The following AGBL4 variants were observed in gnomAD, a reference collection of about 807,000 sequenced individuals.
AGBL4 encodes the protein cytosolic carboxypeptidase 6.
Under a neutral mutation model 66.4 loss-of-function variants are expected in AGBL4, and 58 were observed. The ratio of observed to expected loss-of-function variants is 0.87; its 90% CI spans 0.71 to 1.09. The LOEUF (loss-of-function observed/expected upper bound fraction) is 1.09. Among genes scored for constraint, AGBL4 ranks in the 50% least tolerant of loss-of-function variants. AGBL4 has a pLI of 0.00. For synonymous variants in AGBL4, 234 were observed against 222.9 expected, an observed-to-expected ratio of 1.05 and a Z score of -0.44; for missense variants, 579 against 631.0, an observed-to-expected ratio of 0.92 and a Z score of 0.88.
downstream of AGBL4, among the ~76,000 whole-genome samples, chr1:48,528,533 C>A (rs576098373): frequency 6.6e-5 from 10 of 151,998 alleles, no homozygotes; most frequent in African/African-American, 2.4e-4. Context: ...TGGGGCTGAA[C>A]CGAGAGACAG....
chr1:48,717,254 T>A (rs114139159), intron 6 of AGBL4, among the ~76,000 whole-genome samples: 129 of 152,362 alleles, frequency 8.5e-4, no homozygotes, highest in African/African-American at 3.0e-3. Context: ...CCACTCCTGA[T>A]AAGGACTATG....
chr1:49,934,454 C>T (rs1489898018), intron 1 of AGBL4, among the ~76,000 whole-genome samples: 2 of 152,040 alleles, frequency 1.3e-5, no homozygotes, highest in Non-Finnish European at 2.9e-5. Flanking sequence ...CTTTTACAAC[C>T]ACAACTATAT....
intron 3 of AGBL4, among the ~76,000 whole-genome samples, chr1:49,379,410 GT>G (rs1409803649): frequency 1.3e-5 from 2 of 152,082 alleles, no homozygotes; most frequent in African/African-American, 2.4e-5. Flanking sequence ...ATCCATGCCC[GT>G]TTTGGCTACA....
At chr1:49,335,766 TG>T (rs1176552025) in intron 3 of AGBL4, among the ~76,000 whole-genome samples, 1 of 152,096 alleles carries the variant, frequency 6.6e-6, no homozygotes, top group Non-Finnish European at 1.5e-5. Context: ...CCGCCCACCT[TG>T]GCCCCCCAAA....
At chr1:48,864,826 T>A (rs965336479) in intron 6 of AGBL4, among the ~76,000 whole-genome samples, 1 of 152,152 alleles carries the variant, frequency 6.6e-6, no homozygotes, top group Admixed American at 6.5e-5. Context: ...GTTACATTTA[T>A]AATTTTCGTC....
intron 4 of AGBL4, among the ~76,000 whole-genome samples, chr1:49,087,138 G>A (rs1276866355): frequency 6.6e-6 from 1 of 151,984 alleles, no homozygotes; most frequent in Non-Finnish European, 1.5e-5. Flanking sequence ...ACACAGATGA[G>A]AAAGAACTAG....
At chr1:49,159,187 G>T (rs983602854) in intron 4 of AGBL4, among the ~76,000 whole-genome samples, 2 of 151,898 alleles carry the variant, frequency 1.3e-5, no homozygotes, top group African/African-American at 4.8e-5. Flanking sequence ...GTCTGTTTTT[G>T]CACTGGCTGG....
intron 4 of AGBL4, among the ~76,000 whole-genome samples, chr1:49,169,668 T>A (rs537358156): frequency 6.6e-6 from 1 of 152,274 alleles, no homozygotes; most frequent in Non-Finnish European, 1.5e-5. Context: ...GAAGTCTAAA[T>A]CCATGTGTAT....
At chr1:49,785,267 C>T (rs138026684) in intron 2 of AGBL4, among the ~76,000 whole-genome samples, 4 of 151,892 alleles carry the variant, frequency 2.6e-5, no homozygotes, top group African/African-American at 9.6e-5. Flanking sequence ...TATCCCACAG[C>T]AAGGTGACAT....
chr1:49,511,004 A>ATGTAT (rs1165627570), intron 3 of AGBL4, among the ~76,000 whole-genome samples: 1 of 151,758 alleles, frequency 6.6e-6, no homozygotes, highest in Non-Finnish European at 1.5e-5. Flanking sequence ...GTATAGTTTG[A>ATGTAT]AGTCAGGTAG....
At chr1:49,144,899 G>C (rs2148105821) in intron 4 of AGBL4, among the ~76,000 whole-genome samples, 1 of 152,184 alleles carries the variant, frequency 6.6e-6, no homozygotes, top group South Asian at 2.1e-4. Flanking sequence ...AATGGGGTTG[G>C]TGGTGGTGGT....
intron 4 of AGBL4, among the ~76,000 whole-genome samples, chr1:49,066,355 C>T (rs1644492072): frequency 6.6e-6 from 1 of 152,160 alleles, no homozygotes; most frequent in Non-Finnish European, 1.5e-5. Context: ...AGATCGAGAC[C>T]ATCCTTGCCA....
chr1:48,569,790 T>A (rs1644530497), intron 11 of AGBL4, among the ~76,000 whole-genome samples: 1 of 152,174 alleles, frequency 6.6e-6, no homozygotes, highest in Non-Finnish European at 1.5e-5. Context: ...TGAGCATCAA[T>A]CTGCCCCGCA....
intron 3 of AGBL4, among the ~76,000 whole-genome samples, chr1:49,304,278 C>G (rs1242442450): frequency 6.6e-6 from 1 of 152,114 alleles, no homozygotes; most frequent in Non-Finnish European, 1.5e-5. Flanking sequence ...CAGATGGTTG[C>G]AGATGTGCAG....
At chr1:49,523,844 T>C (rs1650450246) in intron 3 of AGBL4, among the ~76,000 whole-genome samples, 1 of 152,066 alleles carries the variant, frequency 6.6e-6, no homozygotes, top group Non-Finnish European at 1.5e-5. Flanking sequence ...TCTAAGTGGG[T>C]AGGGTTCATG....
chr1:49,682,929 G>A (rs1451287615), intron 3 of AGBL4, among the ~76,000 whole-genome samples: 1 of 152,140 alleles, frequency 6.6e-6, no homozygotes, highest in East Asian at 1.9e-4. Flanking sequence ...TATGATTGAA[G>A]AGACACAATG....
At chr1:49,331,955 T>G (rs561608161) in intron 3 of AGBL4, among the ~76,000 whole-genome samples, 3 of 152,282 alleles carry the variant, frequency 2.0e-5, no homozygotes, top group Non-Finnish European at 4.4e-5. Context: ...GGCCACCACC[T>G]TTGCTGTTTG....
intron 11 of AGBL4, among the ~76,000 whole-genome samples, chr1:48,546,344 C>A (rs1644159107): frequency 6.6e-6 from 1 of 152,124 alleles, no homozygotes; most frequent in Non-Finnish European, 1.5e-5. Context: ...TAAATTCAAA[C>A]ACAAAATTCT....
chr1:49,424,548 G>C (rs929566621), intron 3 of AGBL4, among the ~76,000 whole-genome samples: 2 of 152,050 alleles, frequency 1.3e-5, no homozygotes, highest in African/African-American at 4.8e-5. Flanking sequence ...TGAAATTAAG[G>C]GTACTTATTT....
Sources: allele counts gnomAD v4.1 joint callset (sites outside exome capture counted in the v4.1 genomes callset), GRCh38; gene constraint gnomAD v4.1.1; transcripts MANE v1.5; gene names NCBI Gene and HGNC (gene_info 2026-07-23, HGNC 2026-07-21).